ATP2C1: variants seen among roughly 807,000 people sequenced by gnomAD.
The protein encoded by ATP2C1 is ATPase secretory pathway Ca2+ transporting 1.
A neutral mutation model predicts 120.5 loss-of-function variants in ATP2C1; 31 were observed. The observed-to-expected ratio is 0.26, with a 90% CI of 0.19 to 0.35. The LOEUF (loss-of-function observed/expected upper bound fraction) is 0.35. Among genes scored for constraint, ATP2C1 ranks in the 10% least tolerant of loss-of-function variants. The probability of loss-of-function intolerance (pLI) is 1.00; values close to 1 mark genes in which losing one functional copy is unlikely to be tolerated. For synonymous variants in ATP2C1, 351 were observed against 358.7 expected, an observed-to-expected ratio of 0.98 and a Z score of 0.24; for missense variants, 731 against 1,107.5, an observed-to-expected ratio of 0.66 and a Z score of 4.83.
At position 131,001,211 on chromosome 3, in the gene ATP2C1, C is replaced by G; in HGVS notation, c.2630-9C>G. 6.3e-7 allele frequency: 1 copy of G among 1,583,956 alleles called. No individual in the cohort carries two copies. Among genetic ancestry groups the G allele is most frequent in the Non-Finnish European group, 8.6e-7 (1 of 1,161,154 alleles). On this transcript the variant is annotated splice_polypyrimidine_tract_variant and intron_variant, in intron 27 of 27. Coordinates refer to ENST00000510168, the MANE Select transcript of ATP2C1 (RefSeq NM_001378687.1). ...AGAAATGTAAAACCCAACTTATTTT[C>G]TCTTGCAGATCTGTTGTTTCTTTTG...
chr3:130,922,611 AGC>A (rs1332096048), intron 2 of ATP2C1, among the ~76,000 whole-genome samples: 1 of 152,086 alleles, frequency 6.6e-6, no homozygotes, highest in African/African-American at 2.4e-5. Context: ...CTTTCCTCTT[AGC>A]ACTGCTTTTG....
intron 2 of ATP2C1, among the ~76,000 whole-genome samples, chr3:130,900,147 C>G (rs1211151146): frequency 1.3e-5 from 2 of 151,996 alleles, no homozygotes; most frequent in Non-Finnish European, 2.9e-5. Flanking sequence ...ACCAAAGCCC[C>G]TAACTCCTGG....
At position 130,959,315 on chromosome 3, in the gene ATP2C1, C is replaced by T. The variant is rs908643897; in HGVS notation, c.873C>T (p.Ile291=). 1.9e-5 allele frequency: 30 copies of T among 1,608,314 alleles called. No homozygotes were observed. The highest frequency in any genetic ancestry group is 2.4e-5 in the Non-Finnish European group (28 of 1,175,588). Residue 291 remains isoleucine, a synonymous_variant, in exon 12 of 28, where the codon ATC becomes ATT. Coordinates refer to ENST00000510168, the MANE Select transcript of ATP2C1 (RefSeq NM_001378687.1). ...TTGGCTGGTTACTGGGAAAAGATAT[C>T]CTGGAAATGTTTACTATTAGTGTAA... The part of the protein sequence containing the change: ...MLVGWLLGKD[I]LEMFTISVSL...
In ATP2C1 at chr3:130,947,997, A is replaced by G. The variant is rs576983627; in HGVS notation, c.532-5824A>G. ...CTCATCTTTGTTATTTTTGCAAATG[A>G]CATCTTTATGCATTCTGTGCCCATT... On this transcript the variant is annotated intron_variant, in intron 8 of 27. Coordinates refer to ENST00000510168, the MANE Select transcript of ATP2C1 (RefSeq NM_001378687.1). 4.6e-5 allele frequency among the ~76,000 whole-genome samples: 7 copies of G among 152,284 alleles called. No homozygotes were observed. In the South Asian group the frequency reaches 1.5e-3, roughly 32 times the overall value.
intron 2 of ATP2C1, among the ~76,000 whole-genome samples, chr3:130,901,765 T>C (rs2057835404): frequency 6.6e-6 from 1 of 152,076 alleles, no homozygotes; most frequent in African/African-American, 2.4e-5. Flanking sequence ...ATTTGTCCTT[T>C]ATTCATCTTG....
intron 18 of ATP2C1, 109 bp from the exon 19 acceptor site, chr3:130,979,140 A>T: frequency 9.8e-7 from 1 of 1,020,498 alleles, no homozygotes; most frequent in Non-Finnish European, 1.5e-6. Context: ...TTATAGTCTT[A>T]AGTGATTTAT....
downstream of ATP2C1, among the ~76,000 whole-genome samples, chr3:131,004,125 A>G (rs1264986954): frequency 1.3e-5 from 2 of 152,242 alleles, no homozygotes; most frequent in Non-Finnish European, 2.9e-5. Context: ...AAGAAAGTAA[A>G]TAGGGATCTT....
At chr3:130,922,317 A>G (rs1393101514) in intron 2 of ATP2C1, among the ~76,000 whole-genome samples, 1 of 151,780 alleles carries the variant, frequency 6.6e-6, no homozygotes, top group African/African-American at 2.4e-5. Flanking sequence ...CTCCTGTTTC[A>G]TTTCTAATTG....
chr3:130,962,567 T>A (rs938380032), intron 12 of ATP2C1, among the ~76,000 whole-genome samples: 1 of 151,836 alleles, frequency 6.6e-6, no homozygotes, highest in African/African-American at 2.4e-5. Context: ...TGGGTTATCA[T>A]TAAAATGAAA....
intron 14 of ATP2C1, among the ~76,000 whole-genome samples, chr3:130,965,921 G>C (rs1226831880): frequency 2.9e-4 from 44 of 152,014 alleles, no homozygotes; most frequent in Admixed American, 2.9e-3. Context: ...ATGAATGAAT[G>C]AATCACTTTA....
rs375566516 is a variant in ATP2C1 at position 130,894,754 on chromosome 3, G to A, written c.-16G>A. ...AGACTTTGTAGCCATCAACCCGAGTGCAGTTTCGATGGAAAATGAAGGTAA... is the reference window on the plus strand; with the variant it reads ...AGACTTTGTAGCCATCAACCCGAGTACAGTTTCGATGGAAAATGAAGGTAA... On this transcript the variant is annotated 5_prime_UTR_variant, in exon 2 of 28. Coordinates refer to ENST00000510168, the MANE Select transcript of ATP2C1 (RefSeq NM_001378687.1). The surrounding 1 kb of genome is among the most constrained non-coding windows in gnomAD (Gnocchi z 4.5). The A allele has an allele frequency of 3.1e-6, 5 of 1,614,250 alleles. No homozygotes were observed. The highest frequency in any genetic ancestry group is 2.5e-6 in the Non-Finnish European group (3 of 1,180,044).
intron 26 of ATP2C1, 47 bp downstream of exon 26, chr3:130,998,436 G>A (rs1227992221): frequency 5.1e-6 from 7 of 1,378,008 alleles, no homozygotes. Flanking sequence ...ACTCACTTGA[G>A]TAGAGTGCTT....
chr3:131,016,203 C>G (rs116326480), exon 27 of ATP2C1: 1 of 1,614,168 alleles, frequency 6.2e-7, no homozygotes, highest in African/African-American at 1.3e-5. Flanking sequence ...ACATCCCCAT[C>G]TGGAGACAGG....
At chr3:130,867,715 G>A (rs1485560389) in intron 1 of ATP2C1, among the ~76,000 whole-genome samples, 4 of 142,390 alleles carry the variant, frequency 2.8e-5, no homozygotes, top group African/African-American at 7.9e-5. Flanking sequence ...CCGCCACCCC[G>A]TCTGGGAAGT....
At chr3:130,854,737 T>C (rs921125717) in intron 1 of ATP2C1, among the ~76,000 whole-genome samples, 1 of 152,194 alleles carries the variant, frequency 6.6e-6, no homozygotes, top group African/African-American at 2.4e-5. Context: ...CACCAAACAA[T>C]GAGAAGACAG....
At chr3:130,998,412 G>T (rs1212920157) in intron 26 of ATP2C1, 23 bp downstream of exon 26, 5 of 1,465,926 alleles carry the variant, frequency 3.4e-6, no homozygotes, top group Non-Finnish European at 4.8e-6. Context: ...GAACTTAGTT[G>T]ATTGACTTGA....
intron 26 of ATP2C1, among the ~76,000 whole-genome samples, chr3:131,011,068 T>C (rs536511065): frequency 6.6e-6 from 1 of 152,362 alleles, no homozygotes; most frequent in South Asian, 2.1e-4. Flanking sequence ...CATTGATTTA[T>C]TTCCTTTTGT....
At chr3:130,942,994 G>A (rs1315218246) in intron 8 of ATP2C1, among the ~76,000 whole-genome samples, 1 of 152,174 alleles carries the variant, frequency 6.6e-6, no homozygotes. Context: ...ATAGTTAGAA[G>A]ATGGTGTTTC....
At chr3:130,967,835 T>C (rs1181639253) in intron 16 of ATP2C1, among the ~76,000 whole-genome samples, 1 of 152,206 alleles carries the variant, frequency 6.6e-6, no homozygotes, top group Non-Finnish European at 1.5e-5. Context: ...GTTTTCCCAG[T>C]CTTTCCTTTC....
Sources: gnomAD v4.1 joint callset for allele counts (sites outside exome capture counted in the v4.1 genomes callset) on GRCh38, gnomAD v4.1.1 for gene constraint, Gnocchi (gnomAD v3.1) non-coding constraint, MANE v1.5 for transcripts, NCBI Gene and HGNC (gene_info 2026-07-23, HGNC 2026-07-21) for gene names.